Variants in NPFFR1 observed in about 807,000 individuals in gnomAD.
NPFFR1 encodes the protein neuropeptide FF receptor 1, also known as G-protein coupled receptor 147.
Under a neutral mutation model 12.7 loss-of-function variants are expected in NPFFR1, and 17 were observed. That is an observed-to-expected ratio of 1.34 (90% CI 0.92 to 2.01). The LOEUF (loss-of-function observed/expected upper bound fraction) is 2.01, where lower values mean the gene tolerates loss of function less well. Ranked by LOEUF, NPFFR1 falls within the 30% of genes most tolerant of loss-of-function variation. The pLI is 0.00. For missense variants in NPFFR1, 604 were observed against 606.5 expected, an observed-to-expected ratio of 1.00 and a Z score of 0.04; for synonymous variants, 296 against 264.5, an observed-to-expected ratio of 1.12 and a Z score of -1.16.
Position 70,266,067 on chromosome 10 carries a change from C to A in NPFFR1, c.322+10G>T. On this transcript the variant is annotated intron_variant, in intron 2 of 3. Coordinates refer to ENST00000277942, the MANE Select transcript of NPFFR1 (RefSeq NM_022146.5). ...AGGGGACACTCCTGCTGCCAACTGC[C>A]CGCACTCACCAGTGATGAGGTTGTC... The A allele has an allele frequency of 6.2e-7, 1 of 1,611,446 alleles. No homozygotes were observed. The highest frequency in any genetic ancestry group is 8.5e-7 in the Non-Finnish European group (1 of 1,178,400).
At position 70,255,061 on chromosome 10, in the gene NPFFR1, C is replaced by CGGGCCCG; in HGVS notation, c.1188_1189insCGGGCCC (p.Gly397ArgfsTer60). 7.0e-7 allele frequency: 1 copy of CGGGCCCG among 1,437,458 alleles called. No homozygotes were observed. The highest frequency in any genetic ancestry group is 3.0e-5 in the Admixed American group (1 of 33,868). The allele number at this position is 1,437,458 out of a possible 1,614,324, so 89.0% of individuals were successfully genotyped here. A position where few individuals can be genotyped will look rare whatever the true frequency, so the allele number is the denominator to read the frequency against. On this transcript the variant is annotated frameshift_variant, in exon 4 of 4. Coordinates refer to ENST00000277942, the MANE Select transcript of NPFFR1 (RefSeq NM_022146.5). LOFTEE classifies it low-confidence loss of function (END_TRUNC). This position sits in a 1 kb window ranked among gnomAD's most constrained non-coding sequence, Gnocchi z 4.2. ...CGCCCATTCCGCAGCGGGAGGCGGC[C>CGGGCCCG]GGGCCTGGGGGCCCCACTGCTAGGG...
intron 1 of NPFFR1, among the ~76,000 whole-genome samples, chr10:70,283,035 G>A (rs548883165): frequency 1.3e-5 from 2 of 152,192 alleles, no homozygotes; most frequent in African/African-American, 4.8e-5. Context: ...TTCTTCTGAA[G>A]CTAATAGCCA....
chr10:70,275,779 T>C (rs1323261846), intron 1 of NPFFR1, among the ~76,000 whole-genome samples: 1 of 152,204 alleles, frequency 6.6e-6, no homozygotes, highest in Non-Finnish European at 1.5e-5. Flanking sequence ...TAGGTGCTAT[T>C]AGATAGTATT....
At chr10:70,259,987 C>T (rs1385281586) in intron 3 of NPFFR1, among the ~76,000 whole-genome samples, 1 of 152,208 alleles carries the variant, frequency 6.6e-6, no homozygotes, top group Non-Finnish European at 1.5e-5. Context: ...GTGCCCTTCC[C>T]CTGCTAACAA....
At chr10:70,256,402 C>T (rs1455601364) in intron 3 of NPFFR1, among the ~76,000 whole-genome samples, 3 of 152,200 alleles carry the variant, frequency 2.0e-5, no homozygotes, top group Admixed American at 1.3e-4. Flanking sequence ...TTTTGGGGGT[C>T]AACTGATTAG....
intron 3 of NPFFR1, among the ~76,000 whole-genome samples, chr10:70,257,899 A>C (rs920833674): frequency 2.0e-5 from 3 of 152,228 alleles, no homozygotes; most frequent in Non-Finnish European, 2.9e-5. Flanking sequence ...GCTTACGTGC[A>C]CGTCCAGTCA....
Position 70,283,708 on chromosome 10 carries a change from C to T in NPFFR1, c.-32G>A, listed in dbSNP as rs1218981449. 1 of 1,534,712 alleles carries T rather than the reference C, an allele frequency of 6.5e-7. No individual in the cohort carries two copies. Among genetic ancestry groups the T allele is most frequent in the South Asian group, 1.2e-5 (1 of 83,990 alleles). On this transcript the variant is annotated 5_prime_UTR_variant, in exon 1 of 4. Coordinates refer to ENST00000277942, the MANE Select transcript of NPFFR1 (RefSeq NM_022146.5). ...CCCAGTTGCGGGCTCCGGCGGTCTC[C>T]GATGGCGGGAGGCAGCGGGCCCCTT...
chr10:70,261,444 G>A (rs983575318), intron 2 of NPFFR1, among the ~76,000 whole-genome samples: 2 of 152,052 alleles, frequency 1.3e-5, no homozygotes, highest in South Asian at 2.1e-4. Flanking sequence ...TAATATACAC[G>A]GGTTTTGCTG....
At chr10:70,256,572 A>G (rs1327150545) in intron 3 of NPFFR1, among the ~76,000 whole-genome samples, 1 of 152,238 alleles carries the variant, frequency 6.6e-6, no homozygotes. Context: ...TCTTGGCCAT[A>G]GTATCAGTAT....
At chr10:70,267,697 A>G (rs1889396) in intron 1 of NPFFR1, among the ~76,000 whole-genome samples, 151,631 of 152,376 alleles carry the variant, frequency 1, 75,448 homozygotes, top group East Asian at 1. Flanking sequence ...CCTGAGGCCT[A>G]TTCCAGGGGA....
At position 70,255,638 on chromosome 10, in the gene NPFFR1, C is replaced by T; in HGVS notation, c.612G>A (p.Trp204Ter). The T allele has an allele frequency of 1.9e-6, 3 of 1,587,624 alleles. No homozygotes were observed. The highest frequency in any genetic ancestry group is 2.6e-6 in the Non-Finnish European group (3 of 1,167,230). Reference protein sequence around the residue: ...RNRSYPLYSCWEAWPEKGMRR... With the variant: ...RNRSYPLYSC ...GCATGCCCTTCTCGGGCCAGGCCTC[C>T]CAGCAGGAGTAGAGCGGGTAGGAGC... is the stretch of plus-strand genomic sequence containing the variant. The change falls in exon 4 of 4, where the codon TGG becomes TGA. Residue 204 changes from tryptophan (W) to a stop codon, truncating the protein, a stop_gained. Coordinates refer to ENST00000277942, the MANE Select transcript of NPFFR1 (RefSeq NM_022146.5). LOFTEE classifies it low-confidence loss of function (END_TRUNC). The surrounding 1 kb of genome is among the most constrained non-coding windows in gnomAD (Gnocchi z 4.2).
chr10:70,248,467 G>GTGT lies in NPFFR1; in HGVS notation c.*6489_*6490insACA. 1 of 96,744 alleles carries GTGT rather than the reference G, an allele frequency of 1.0e-5. No homozygotes were observed. The highest frequency in any genetic ancestry group is 4.0e-5 in the African/African-American group (1 of 24,728). 6.0% of individuals were successfully genotyped at this position (96,744 alleles called of 1,614,324 possible). ...CAAAGTACGTAGTACTATGCCTGGC[G>GTGT]TTTTTTTTTTGTTTTTTGTTTTTTT... On this transcript the variant is annotated 3_prime_UTR_variant, in exon 4 of 4. Coordinates refer to ENST00000277942, the MANE Select transcript of NPFFR1 (RefSeq NM_022146.5).
chr10:70,272,156 A>T lies in NPFFR1; in HGVS notation c.8-5765T>A, dbSNP rs1163945627. 1.9e-4 allele frequency among the ~76,000 whole-genome samples: 29 copies of T among 149,516 alleles called. No homozygotes were observed. In the South Asian group the frequency reaches 5.8e-3, roughly 30 times the overall value. The stretch of plus-strand genomic sequence containing the variant: ...AAGAAATAAAGAGAAAGGGAGAGAG[A>T]GAGAGAGAAAGAAAGAAAGAAGGGA... On this transcript the variant is annotated intron_variant, in intron 1 of 3. Transcript: ENST00000277942.
In NPFFR1 at chr10:70,255,016, G is replaced by A; in HGVS notation, c.1234C>T (p.Pro412Ser). The change falls in exon 4 of 4, where the codon CCC becomes TCC. Residue 412 changes from proline (P) to serine (S), a missense_variant. Transcript: ENST00000277942. The surrounding 1 kb of genome is among the most constrained non-coding windows in gnomAD (Gnocchi z 4.2). ...RNGRVAHHGL[P>S]REGPGCSHLP... ...TGGGAGCAGCCAGGCCCTTCCCTGGGCAAGCCGTGGTGAGCCACCCGCCCA... is the reference window on the plus strand; with the variant it reads ...TGGGAGCAGCCAGGCCCTTCCCTGGACAAGCCGTGGTGAGCCACCCGCCCA... 6.9e-7 allele frequency: 1 copy of A among 1,442,800 alleles called. No individual in the cohort carries two copies. Among genetic ancestry groups the A allele is most frequent in the Non-Finnish European group, 9.0e-7 (1 of 1,105,192 alleles). The allele number at this position is 1,442,800 out of a possible 1,614,324, so 89.4% of individuals were successfully genotyped here.
chr10:70,263,665 G>T (rs939389786), intron 2 of NPFFR1, among the ~76,000 whole-genome samples: 1 of 152,036 alleles, frequency 6.6e-6, no homozygotes, highest in African/African-American at 2.4e-5. Flanking sequence ...GAGTGGAATA[G>T]GTATATAGAA....
intron 1 of NPFFR1, among the ~76,000 whole-genome samples, chr10:70,279,696 A>G (rs1016176495): frequency 2.0e-5 from 3 of 151,512 alleles, no homozygotes; most frequent in African/African-American, 7.3e-5. Context: ...CATGACCTCA[A>G]ATGATCTTCC....
intron 3 of NPFFR1, among the ~76,000 whole-genome samples, chr10:70,258,318 G>A (rs1840597220): frequency 6.8e-6 from 1 of 147,560 alleles, no homozygotes; most frequent in Non-Finnish European, 1.5e-5. Context: ...AAAAAAAAAA[G>A]CTCCTGGAGA....
chr10:70,261,029 A>G (rs1840628084), intron 2 of NPFFR1, among the ~76,000 whole-genome samples: 2 of 152,054 alleles, frequency 1.3e-5, no homozygotes, highest in South Asian at 4.1e-4. Flanking sequence ...GCCTTGCAGA[A>G]CCTGTGTATA....
chr10:70,266,711 C>T (rs1024365344), intron 1 of NPFFR1, among the ~76,000 whole-genome samples: 1 of 152,350 alleles, frequency 6.6e-6, no homozygotes, highest in South Asian at 2.1e-4. Context: ...CCTCTAAGTT[C>T]TGCATTGCCC....
Sources: gnomAD v4.1 joint callset for allele counts (sites outside exome capture counted in the v4.1 genomes callset) on GRCh38, gnomAD v4.1.1 for gene constraint, Gnocchi (gnomAD v3.1) non-coding constraint, MANE v1.5 for transcripts, NCBI Gene and HGNC (gene_info 2026-07-23, HGNC 2026-07-21) for gene names.